Variants in NUP133 observed in about 807,000 individuals in gnomAD.
NUP133 encodes nucleoporin 133.
In NUP133, 66 loss-of-function variants were observed where a neutral mutation model predicts 146.2. The ratio of observed to expected loss-of-function variants is 0.45; its 90% CI spans 0.37 to 0.55. The LOEUF is 0.55. NUP133 is among the 20% of genes least tolerant of loss of function. The probability of loss-of-function intolerance (pLI) is 0.00; values close to 1 mark genes in which losing one functional copy is unlikely to be tolerated. For missense variants in NUP133, 1,277 were observed against 1,374.8 expected, an observed-to-expected ratio of 0.93 and a Z score of 1.12; for synonymous variants, 521 against 498.8, an observed-to-expected ratio of 1.04 and a Z score of -0.59.
intron 15 of NUP133, among the ~76,000 whole-genome samples, chr1:229,467,864 G>A (rs1256326430): frequency 1.3e-5 from 2 of 151,740 alleles, no homozygotes; most frequent in East Asian, 3.9e-4. Flanking sequence ...GGCCGAGGCT[G>A]CGGTGAGCAG....
chr1:229,443,030 T>C (rs1046495679), intron 25 of NUP133, among the ~76,000 whole-genome samples: 3 of 151,882 alleles, frequency 2.0e-5, no homozygotes, highest in Non-Finnish European at 4.4e-5. Flanking sequence ...TTAATTGTAG[T>C]TTTTATTTTT....
At chr1:229,458,409 A>G in intron 20 of NUP133, 113 bp from the exon 21 acceptor site, 4 of 1,011,780 alleles carry the variant, frequency 4.0e-6, no homozygotes, top group Non-Finnish European at 5.7e-6. Flanking sequence ...AATGAATGAG[A>G]AGTCAACAGT....
intron 6 of NUP133, among the ~76,000 whole-genome samples, chr1:229,497,801 A>T (rs1661691359): frequency 6.6e-6 from 1 of 152,256 alleles, no homozygotes. Context: ...CCACACAGAC[A>T]GCTGGAGGCA....
At position 229,508,233 on chromosome 1, in the gene NUP133, G is replaced by T; in HGVS notation, c.17C>A (p.Pro6His). The T allele has an allele frequency of 6.5e-7, 1 of 1,535,258 alleles. No homozygotes were observed. The highest frequency in any genetic ancestry group is 1.2e-5 in the South Asian group (1 of 82,958). ...CCCGGTACCCGGGGTCCGCGGAGAA[G>T]GGGCGGCTGGGAACATGACTCCAAG... MFPAAPSPRTPGTGSR... is the reference protein window; with the variant it reads MFPAAHSPRTPGTGSR... The change falls in exon 1 of 26, where the codon CCT (proline) becomes CAT (histidine). Residue 6 changes from proline (P) to histidine (H), a missense_variant. By Grantham distance (77) the Pro-to-His change is moderately conservative. Coordinates refer to ENST00000261396, the MANE Select transcript of NUP133 (RefSeq NM_018230.3).
At chr1:229,500,904 C>T (rs1399208051) in intron 3 of NUP133, 41 bp from the exon 4 acceptor site, 2 of 1,342,956 alleles carry the variant, frequency 1.5e-6, no homozygotes, top group Non-Finnish European at 2.1e-6. Flanking sequence ...CACATCAAAT[C>T]CAGTATTTTG....
chr1:229,484,148 G>A lies in NUP133; in HGVS notation c.1501-3C>T. On this transcript the variant is annotated splice_region_variant and splice_polypyrimidine_tract_variant and intron_variant, in intron 11 of 25. Coordinates refer to ENST00000261396, the MANE Select transcript of NUP133 (RefSeq NM_018230.3). ...GTAGTGGTCTCAAAAATCATACTCT[G>A]CAAAATAACAAAGTATAGTTTAGAG... 1 of 1,600,974 alleles carries A rather than the reference G, an allele frequency of 6.2e-7. No individual in the cohort carries two copies. Among genetic ancestry groups the A allele is most frequent in the Non-Finnish European group, 8.6e-7 (1 of 1,169,570 alleles).
Position 229,499,838 on chromosome 1 carries a change from A to G in NUP133, c.514-20T>C, listed in dbSNP as rs1661752165. The G allele has an allele frequency of 5.6e-6, 9 of 1,606,296 alleles. 1 individual carries two copies. In the African/African-American group the frequency reaches 1.1e-4, roughly 19 times the overall value. ...AACAGCCTCAAAACAAGATCACAACAATCAGCAATCACAATAAAAGAGGAA... is the reference window on the plus strand; with the variant it reads ...AACAGCCTCAAAACAAGATCACAACGATCAGCAATCACAATAAAAGAGGAA... On this transcript the variant is annotated intron_variant, in intron 4 of 25. Transcript: ENST00000261396.
In NUP133 at chr1:229,473,157, T is replaced by G. The variant is rs1032568649; in HGVS notation, c.1852-2353A>C. On this transcript the variant is annotated intron_variant, in intron 14 of 25. Transcript: ENST00000261396. ...GTCCCATCTATTGGGGAGGCAGTGG[T>G]GAGAAGATTGCTTGAGCCCAGGAGG... 4.0e-5 allele frequency among the ~76,000 whole-genome samples: 6 copies of G among 151,790 alleles called. 2 individuals are homozygous for G. Among genetic ancestry groups the G allele is most frequent in the Admixed American group, 3.9e-4 (6 of 15,214 alleles).
chr1:229,472,959 A>C (rs1316209979), intron 14 of NUP133, among the ~76,000 whole-genome samples: 1 of 151,994 alleles, frequency 6.6e-6, no homozygotes, highest in African/African-American at 2.4e-5. Flanking sequence ...GTATTCAGAA[A>C]TATTCCCTAG....
rs1310510707 is a variant in NUP133 at position 229,449,129 on chromosome 1, T to C, written c.3242A>G (p.Asp1081Gly). The change falls in exon 24 of 26, where the codon GAT (aspartate) becomes GGT (glycine). Residue 1081 changes from aspartate (D) to glycine (G), a missense_variant. Around this residue, in one of 3 missense-constraint regions of NUP133, gnomAD observed 952 missense variants for 1,047.0 expected, o/e 0.91. Coordinates refer to ENST00000261396, the MANE Select transcript of NUP133 (RefSeq NM_018230.3). The part of the protein sequence containing the change: ...LEILCKALQR[D>G]NWSSSDGKDD... ...AAGCAATGCCACGAGCACTTACTTA[T>C]CTCTCTGAAGAGCTTTGCAAAGGAT... 1.9e-6 allele frequency: 3 copies of C among 1,611,670 alleles called. No individual in the cohort carries two copies. The highest frequency in any genetic ancestry group is 2.5e-6 in the Non-Finnish European group (3 of 1,177,866).
intron 1 of NUP133, among the ~76,000 whole-genome samples, chr1:229,506,476 G>A (rs1029115684): frequency 7.6e-5 from 11 of 145,626 alleles, no homozygotes; most frequent in African/African-American, 2.5e-4. Context: ...TTCAAACAGC[G>A]GGTCATTTTG....
intron 25 of NUP133, among the ~76,000 whole-genome samples, chr1:229,444,259 A>C (rs1288005885): frequency 6.6e-6 from 1 of 151,988 alleles, no homozygotes; most frequent in Admixed American, 6.6e-5. Context: ...TGAACCCAGG[A>C]GGTGGAGGTT....
At position 229,477,556 on chromosome 1, in the gene NUP133, T is replaced by C. The variant is rs755987512; in HGVS notation, c.1756+41A>G. 2.1e-5 allele frequency: 32 copies of C among 1,495,164 alleles called. No homozygotes were observed. In the South Asian group the frequency reaches 4.1e-4, roughly 19 times the overall value. 92.6% of individuals were successfully genotyped at this position (1,495,164 alleles called of 1,614,324 possible). A position where few individuals can be genotyped will look rare whatever the true frequency, so the allele number is the denominator to read the frequency against. ...GATGCTTCTAATAAAGAAACCAGAA[T>C]ATGTTCAAAACACACCGTTCCATAA... is the stretch of plus-strand genomic sequence containing the variant. On this transcript the variant is annotated intron_variant, in intron 13 of 25. Transcript: ENST00000261396.
intron 12 of NUP133, among the ~76,000 whole-genome samples, chr1:229,479,573 T>C (rs533080063): frequency 9.2e-5 from 14 of 152,312 alleles, no homozygotes; most frequent in Admixed American, 4.6e-4. Context: ...TAAGAATGAC[T>C]CCTCTGTTGT....
In NUP133 at chr1:229,508,265, C is replaced by T. The variant is rs1344265225; in HGVS notation, c.-16G>A. On this transcript the variant is annotated 5_prime_UTR_variant, in exon 1 of 26. Transcript: ENST00000261396. ...CTGGGAACATGACTCCAAGGAGCAG[C>T]GACTAGGACAGCGAGGGATCTGGCC... is the stretch of plus-strand genomic sequence containing the variant. 4 of 1,467,142 alleles carry T rather than the reference C, an allele frequency of 2.7e-6. No homozygotes were observed. Among genetic ancestry groups the T allele is most frequent in the South Asian group, 2.7e-5 (2 of 75,212 alleles). 90.9% of individuals were successfully genotyped at this position (1,467,142 alleles called of 1,614,324 possible).
At chr1:229,466,786 A>G (rs1239558060) in intron 15 of NUP133, 30 bp from the exon 16 acceptor site, 2 of 1,611,778 alleles carry the variant, frequency 1.2e-6, no homozygotes, top group Non-Finnish European at 1.7e-6. Context: ...TAAACTACTT[A>G]CAACAAAAAT....
Position 229,461,409 on chromosome 1 carries a change from G to A in NUP133, c.2686-640C>T, listed in dbSNP as rs115991137. Among the ~76,000 whole-genome samples, 700 of 152,292 alleles carry A rather than the reference G, an allele frequency of 4.6e-3. 6 individuals carry two copies. Among genetic ancestry groups the A allele is most frequent in the African/African-American group, 0.016 (678 of 41,552 alleles). Reference sequence around the variant, plus strand: ...TTTAAGAGATACTTTCCCTAAAGCAGGGATCCTGCCATGAAAGACTTCTGA... The same window carrying A: ...TTTAAGAGATACTTTCCCTAAAGCAAGGATCCTGCCATGAAAGACTTCTGA... On this transcript the variant is annotated intron_variant, in intron 19 of 25. Transcript: ENST00000261396.
chr1:229,496,061 A>G lies in NUP133; in HGVS notation c.820-14T>C. 2 of 1,544,640 alleles carry G rather than the reference A, an allele frequency of 1.3e-6. No individual in the cohort carries two copies. The highest frequency in any genetic ancestry group is 2.5e-5 in the South Asian group (2 of 80,600). ...AACACTTGAAAGCTATTCAGAAAAGAAAAGGAAGTCAAATTCACAGATTAA... is the reference window on the plus strand; with the variant it reads ...AACACTTGAAAGCTATTCAGAAAAGGAAAGGAAGTCAAATTCACAGATTAA... On this transcript the variant is annotated splice_polypyrimidine_tract_variant and intron_variant, in intron 6 of 25. Coordinates refer to ENST00000261396, the MANE Select transcript of NUP133 (RefSeq NM_018230.3).
intron 11 of NUP133, among the ~76,000 whole-genome samples, chr1:229,484,619 CAG>C (rs1661302211): frequency 6.6e-6 from 1 of 152,130 alleles, no homozygotes; most frequent in African/African-American, 2.4e-5. Flanking sequence ...TCATAATTAA[CAG>C]AATCTTTTTA....
Sources: gnomAD v4.1 joint callset for allele counts (sites outside exome capture counted in the v4.1 genomes callset) on GRCh38, gnomAD v4.1.1 for gene constraint, gnomAD v4.1.1 regional missense constraint, MANE v1.5 for transcripts, NCBI Gene and HGNC (gene_info 2026-07-23, HGNC 2026-07-21) for gene names.